Variants in CNTRL observed in about 807,000 individuals in gnomAD.
CNTRL encodes the protein centriolin.
CNTRL carries 233 observed loss-of-function variants against 303.7 expected under a neutral mutation model. That is an observed-to-expected ratio of 0.77 (90% CI 0.69 to 0.86). The LOEUF is 0.86. Ranked by LOEUF, CNTRL falls within the 40% of genes least tolerant of loss-of-function variation. The pLI, the probability that CNTRL is intolerant of heterozygous loss-of-function variation, is 0.00. For synonymous variants in CNTRL, 900 were observed against 922.2 expected (o/e 0.98, Z 0.44); for missense variants, 2,524 against 2,650.6 (o/e 0.95, Z 1.05).
Position 121,175,030 on chromosome 9 carries a change from CA to C in CNTRL, c.6761del (p.His2254ProfsTer10). Reference protein sequence around the residue: ...REDRLKAQLRHCMSKQAEVLI... With the variant: ...REDRLKAQLRXCMSKQAEVLI... ...TCACACTTTTCAGGCCCAACTCCGA[CA>C]CTGTATGTCCAAGCAAGCAGAAGTA... On this transcript the variant is annotated frameshift_variant, in exon 43 of 44. Transcript: ENST00000373855. LOFTEE classifies it high-confidence loss of function. 1 of 1,613,772 alleles carries C rather than the reference CA, an allele frequency of 6.2e-7. No individual in the cohort carries two copies. The highest frequency in any genetic ancestry group is 8.5e-7 in the Non-Finnish European group (1 of 1,179,906).
chr9:121,175,307 C>T lies in CNTRL; in HGVS notation c.6954+83C>T, dbSNP rs190943523. 3,843 of 1,296,446 alleles carry T rather than the reference C, an allele frequency of 3.0e-3. 15 individuals carry two copies. Among genetic ancestry groups the T allele is most frequent in the Non-Finnish European group, 3.7e-3 (3,354 of 915,528 alleles). The allele number at this position is 1,296,446 out of a possible 1,614,324, so 80.3% of individuals were successfully genotyped here. ...TTTGAGACAAGGTCTTGCCCTACCGCCCAGGCTGGAGTGCATTGGTACCAT... is the reference window on the plus strand; with the variant it reads ...TTTGAGACAAGGTCTTGCCCTACCGTCCAGGCTGGAGTGCATTGGTACCAT... On this transcript the variant is annotated intron_variant, in intron 43 of 43. Coordinates refer to ENST00000373855, the MANE Select transcript of CNTRL (RefSeq NM_007018.6).
At chr9:121,097,555 C>T (rs1420577110) in intron 6 of CNTRL, among the ~76,000 whole-genome samples, 2 of 148,306 alleles carry the variant, frequency 1.3e-5, no homozygotes, top group Admixed American at 1.4e-4. Flanking sequence ...TTAACAATAC[C>T]TATGCTTTCT....
chr9:121,147,141 T>C (rs2051914263), intron 23 of CNTRL, among the ~76,000 whole-genome samples: 1 of 152,182 alleles, frequency 6.6e-6, no homozygotes, highest in South Asian at 2.1e-4. Context: ...TAGCTGGGAT[T>C]ATAGGCATGC....
intron 34 of CNTRL, among the ~76,000 whole-genome samples, chr9:121,164,260 C>T (rs185345666): frequency 4.3e-4 from 65 of 152,270 alleles, no homozygotes; most frequent in African/African-American, 1.1e-3. Context: ...ATCAAACATA[C>T]GCCAATCGGA....
At position 121,118,386 on chromosome 9, in the gene CNTRL, G is replaced by A. The variant is rs2050077839; in HGVS notation, c.1496G>A (p.Ser499Asn). 6.2e-7 allele frequency: 1 copy of A among 1,610,920 alleles called. No individual in the cohort carries two copies. The highest frequency in any genetic ancestry group is 1.7e-5 in the Admixed American group (1 of 59,662). Residue 499 changes from serine (S) to asparagine (N), a missense_variant, in exon 12 of 44, where the codon AGT (serine) becomes AAT (asparagine). Transcript: ENST00000373855. ...AAAGACCTTCTTTACAAGCAGTTGAGTGGTAGACTACAACTTGTAAATAAA... is the reference window on the plus strand; with the variant it reads ...AAAGACCTTCTTTACAAGCAGTTGAATGGTAGACTACAACTTGTAAATAAA... Reference protein sequence around the residue: ...AGKDLLYKQLSGRLQLVNKLR... With the variant: ...AGKDLLYKQLNGRLQLVNKLR...
intron 1 of CNTRL, among the ~76,000 whole-genome samples, chr9:121,076,615 A>T (rs924280872): frequency 6.6e-6 from 1 of 152,138 alleles, no homozygotes; most frequent in African/African-American, 2.4e-5. Flanking sequence ...GGAAAGAACC[A>T]TAGAGAAATG....
At chr9:121,135,758 A>G (rs2051153309) in intron 14 of CNTRL, 48 bp from the exon 15 acceptor site, 1 of 1,527,042 alleles carries the variant, frequency 6.5e-7, no homozygotes. Context: ...GCAAATGCTT[A>G]AGCAGCACAG....
At chr9:121,144,682 A>G (rs2051730449) in intron 20 of CNTRL, among the ~76,000 whole-genome samples, 161 bp from the exon 21 acceptor site, 1 of 152,260 alleles carries the variant, frequency 6.6e-6, no homozygotes, top group Non-Finnish European at 1.5e-5. Context: ...AGGCTGCCCA[A>G]CAATGGGAAC....
Position 121,154,882 on chromosome 9 carries a change from C to T in CNTRL, c.4334C>T (p.Ala1445Val). The T allele has an allele frequency of 1.2e-6, 2 of 1,614,146 alleles. No homozygotes were observed. Among genetic ancestry groups the T allele is most frequent in the Non-Finnish European group, 1.7e-6 (2 of 1,180,000 alleles). Residue 1445 changes from alanine (A) to valine (V), a missense_variant, in exon 27 of 44, where the codon GCT becomes GTT. Coordinates refer to ENST00000373855, the MANE Select transcript of CNTRL (RefSeq NM_007018.6). ...GAAGCTGACCGACTCCTGGCAGAGG[C>T]TGAGAGTGAACTTTCATGCACTAAA... ...LREADRLLAE[A>V]ESELSCTKEK...
Position 121,075,085 on chromosome 9 carries a change from C to A in CNTRL, c.-205+18C>A. ...TCTAGGCGGTGAGCGTCAGACCTGG[C>A]CGAGCCCGTTCCCCGGCATCCGGCC... is the stretch of plus-strand genomic sequence containing the variant. On this transcript the variant is annotated intron_variant, in intron 1 of 43. Coordinates refer to ENST00000373855, the MANE Select transcript of CNTRL (RefSeq NM_007018.6). The A allele has an allele frequency of 5.2e-6, 2 of 385,078 alleles. No individual in the cohort carries two copies. Among genetic ancestry groups the A allele is most frequent in the Non-Finnish European group, 5.2e-6 (1 of 190,538 alleles). The allele number at this position is 385,078 out of a possible 1,614,324, so 23.9% of individuals were successfully genotyped here. A position where few individuals can be genotyped will look rare whatever the true frequency, so the allele number is the denominator to read the frequency against.
rs199877331 is a variant in CNTRL, at chr9:121,146,099, T to C, written c.3311-9T>C. 20 of 1,591,874 alleles carry C rather than the reference T, an allele frequency of 1.3e-5. No individual in the cohort carries two copies. The East Asian group carries it at 4.3e-4, about 34-fold the overall frequency. ...CATATCAATTTCATAGAATGACTTT[T>C]CTTTACAGACAACAAAGGAGGCTTT... On this transcript the variant is annotated splice_polypyrimidine_tract_variant and intron_variant, in intron 22 of 43. Coordinates refer to ENST00000373855, the MANE Select transcript of CNTRL (RefSeq NM_007018.6).
At chr9:121,148,893 C>T in intron 24 of CNTRL, 32 bp downstream of exon 24, 1 of 1,589,396 alleles carries the variant, frequency 6.3e-7, no homozygotes, top group Non-Finnish European at 8.6e-7. Context: ...AGTTGCATTT[C>T]TCTTGCCCGT....
intron 23 of CNTRL, among the ~76,000 whole-genome samples, chr9:121,147,606 TGAG>T (rs1231407017): frequency 6.6e-6 from 1 of 151,910 alleles, no homozygotes; most frequent in Non-Finnish European, 1.5e-5. Flanking sequence ...ATGTGGGAAG[TGAG>T]GAGAAGACTG....
At chr9:121,146,029 C>A in intron 22 of CNTRL, 79 bp from the exon 23 acceptor site, 2 of 1,298,192 alleles carry the variant, frequency 1.5e-6, no homozygotes, top group East Asian at 2.5e-5. Flanking sequence ...TTAATTGGCT[C>A]TCTTAGAATC....
At chr9:121,106,758 A>T (rs2049496876) in intron 7 of CNTRL, among the ~76,000 whole-genome samples, 1 of 152,190 alleles carries the variant, frequency 6.6e-6, no homozygotes, top group Non-Finnish European at 1.5e-5. Flanking sequence ...CCAACTTGAG[A>T]AACATGGCAA....
At chr9:121,117,809 C>T (rs1355339716) in intron 11 of CNTRL, among the ~76,000 whole-genome samples, 1 of 151,998 alleles carries the variant, frequency 6.6e-6, no homozygotes, top group East Asian at 1.9e-4. Flanking sequence ...GAAACCCCAT[C>T]TCTACTAAAA....
chr9:121,173,571 A>G, intron 41 of CNTRL, 62 bp downstream of exon 41: 3 of 1,610,540 alleles, frequency 1.9e-6, no homozygotes, highest in Non-Finnish European at 1.7e-6. Flanking sequence ...CAGCTAAGCT[A>G]AAACACAGAT....
intron 7 of CNTRL, among the ~76,000 whole-genome samples, chr9:121,098,830 A>C (rs1209918021): frequency 1.8e-4 from 5 of 27,510 alleles, no homozygotes; most frequent in Admixed American, 1.8e-3. Flanking sequence ...GAAGACAGAC[A>C]AAAAAAAAAA....
intron 35 of CNTRL, among the ~76,000 whole-genome samples, chr9:121,165,327 AAACCT>A (rs985012369): frequency 6.6e-6 from 1 of 152,184 alleles, no homozygotes; most frequent in African/African-American, 2.4e-5. Context: ...TTAAAAAAAA[AAACCT>A]AATTCATGTT....
Sources: gnomAD v4.1 joint callset for allele counts (sites outside exome capture counted in the v4.1 genomes callset) on GRCh38, gnomAD v4.1.1 for gene constraint, MANE v1.5 for transcripts, NCBI Gene and HGNC (gene_info 2026-07-23, HGNC 2026-07-21) for gene names.